Variants in SPAG16 observed in about 807,000 individuals in gnomAD.
SPAG16 encodes sperm-associated antigen 16 protein.
A neutral mutation model predicts 80.4 loss-of-function variants in SPAG16; 86 were observed. That is an observed-to-expected ratio of 1.07 (90% CI 0.90 to 1.28). The LOEUF is 1.28. SPAG16 is among the 50% of genes most tolerant of loss of function. The pLI is 0.00. For missense variants in SPAG16, 870 were observed against 765.3 expected (o/e 1.14, Z -1.61); for synonymous variants, 294 against 265.9 (o/e 1.11, Z -1.03).
chr2:213,323,135 A>G (rs909533742), intron 5 of SPAG16, among the ~76,000 whole-genome samples: 1 of 152,202 alleles, frequency 6.6e-6, no homozygotes, highest in African/African-American at 2.4e-5. Context: ...CAGGATGGCT[A>G]TTATTAGAAA....
At chr2:213,424,918 A>G (rs1039766238) in intron 9 of SPAG16, among the ~76,000 whole-genome samples, 11 of 152,136 alleles carry the variant, frequency 7.2e-5, no homozygotes, top group Non-Finnish European at 1.5e-5. Flanking sequence ...GAGACCTTAT[A>G]GTTTGGAGAG....
At chr2:213,349,627 C>G (rs2065212404) in intron 6 of SPAG16, among the ~76,000 whole-genome samples, 1 of 152,044 alleles carries the variant, frequency 6.6e-6, no homozygotes, top group Non-Finnish European at 1.5e-5. Context: ...CATGATAGCC[C>G]AAACTAAAAT....
chr2:213,975,562 A>G (rs936029210), intron 12 of SPAG16, among the ~76,000 whole-genome samples: 1 of 151,984 alleles, frequency 6.6e-6, no homozygotes, highest in African/African-American at 2.4e-5. Flanking sequence ...AAAGGCTTTT[A>G]TAATTAAGTA....
chr2:214,233,344 A>ATG (rs377652832), intron 15 of SPAG16, among the ~76,000 whole-genome samples: 18,184 of 148,502 alleles, frequency 0.12, 1,303 homozygotes, highest in East Asian at 0.26. Context: ...AATAGATAAT[A>ATG]ATGATGATGA....
intron 13 of SPAG16, among the ~76,000 whole-genome samples, chr2:214,070,560 G>C (rs142545053): frequency 0.015 from 2,244 of 151,952 alleles, 57 homozygotes; most frequent in African/African-American, 0.052. Flanking sequence ...TTTTACTCCA[G>C]TATTAGGAAT....
intron 10 of SPAG16, among the ~76,000 whole-genome samples, chr2:213,518,073 A>G (rs555773535): frequency 2.0e-5 from 3 of 152,352 alleles, no homozygotes; most frequent in Admixed American, 6.5e-5. Flanking sequence ...AAGGCCTAGT[A>G]TCTAGAATCT....
intron 9 of SPAG16, among the ~76,000 whole-genome samples, chr2:213,384,448 A>T (rs1476319149): frequency 6.6e-6 from 1 of 152,182 alleles, no homozygotes; most frequent in African/African-American, 2.4e-5. Flanking sequence ...CTTAGTCCCT[A>T]TATGCCTCAG....
At chr2:213,972,612 ACT>A (rs1395729923) in intron 12 of SPAG16, among the ~76,000 whole-genome samples, 10 of 151,962 alleles carry the variant, frequency 6.6e-5, no homozygotes, top group African/African-American at 2.4e-4. Flanking sequence ...TTCAAACACT[ACT>A]CTCTTGAGGA....
intron 15 of SPAG16, among the ~76,000 whole-genome samples, chr2:214,211,533 T>TA (rs1350425214): frequency 6.6e-6 from 1 of 152,202 alleles, no homozygotes; most frequent in Non-Finnish European, 1.5e-5. Context: ...TGAGAGGTCT[T>TA]ACATCTTTTG....
chr2:214,284,681 G>T (rs16851715), intron 15 of SPAG16, among the ~76,000 whole-genome samples: 7,832 of 152,286 alleles, frequency 0.051, 693 homozygotes, highest in African/African-American at 0.18. Flanking sequence ...AGTTGAAAAT[G>T]ATTGGTGCAT....
At chr2:214,110,417 G>A (rs1214820595) in intron 14 of SPAG16, among the ~76,000 whole-genome samples, 1 of 151,978 alleles carries the variant, frequency 6.6e-6, no homozygotes, top group African/African-American at 2.4e-5. Flanking sequence ...ATAGTTTGCT[G>A]AGAATGATGG....
chr2:214,272,641 A>G (rs966089342), intron 15 of SPAG16, among the ~76,000 whole-genome samples: 4 of 152,164 alleles, frequency 2.6e-5, no homozygotes, highest in African/African-American at 9.7e-5. Flanking sequence ...TTATGGCTGC[A>G]TAGTATTCCA....
chr2:213,799,900 G>A (rs2071273099), intron 10 of SPAG16, among the ~76,000 whole-genome samples: 1 of 150,922 alleles, frequency 6.6e-6, no homozygotes, highest in Non-Finnish European at 1.5e-5. Context: ...TGTGAATAGT[G>A]CTGCGATAAA....
At chr2:213,777,528 TC>T (rs757974928) in intron 10 of SPAG16, among the ~76,000 whole-genome samples, 145 of 152,092 alleles carry the variant, frequency 9.5e-4, no homozygotes, top group Non-Finnish European at 1.8e-3. Context: ...TGCCTCAGCC[TC>T]CCCAGCAGCT....
At chr2:213,398,056 G>GTC (rs554848255) in intron 9 of SPAG16, among the ~76,000 whole-genome samples, 163 of 151,826 alleles carry the variant, frequency 1.1e-3, no homozygotes, top group Middle Eastern at 3.4e-3. Context: ...TCCCTGAGAC[G>GTC]TCTCTCTCTC....
chr2:213,511,625 A>C (rs2125815993), intron 10 of SPAG16, among the ~76,000 whole-genome samples: 2 of 152,144 alleles, frequency 1.3e-5, no homozygotes, highest in East Asian at 3.9e-4. Flanking sequence ...TATGTGTATC[A>C]TGCTTTGTTT....
intron 10 of SPAG16, among the ~76,000 whole-genome samples, chr2:213,579,701 G>A (rs1174959737): frequency 6.6e-6 from 1 of 151,770 alleles, no homozygotes; most frequent in Admixed American, 6.6e-5. Flanking sequence ...ACATTGATTT[G>A]ACTTAAAAGT....
At chr2:213,680,190 A>C (rs2064306957) in intron 10 of SPAG16, among the ~76,000 whole-genome samples, 3 of 152,074 alleles carry the variant, frequency 2.0e-5, no homozygotes. Flanking sequence ...GAAAAATTCC[A>C]CCACTGGCAG....
chr2:214,207,527 G>A (rs939022268), intron 15 of SPAG16, among the ~76,000 whole-genome samples: 4 of 152,006 alleles, frequency 2.6e-5, no homozygotes, highest in Non-Finnish European at 5.9e-5. Context: ...GGCCCCAAAA[G>A]GTGGCCTTAT....
Sources: allele counts gnomAD v4.1 joint callset (sites outside exome capture counted in the v4.1 genomes callset), GRCh38; gene constraint gnomAD v4.1.1; transcripts MANE v1.5; gene names NCBI Gene and HGNC (gene_info 2026-07-23, HGNC 2026-07-21).